The following ASH1L variants were observed in gnomAD, a reference collection of about 807,000 sequenced individuals.
ASH1L encodes the protein histone-lysine N-methyltransferase ASH1L.
Under a neutral mutation model 269.0 loss-of-function variants are expected in ASH1L, and 23 were observed. The observed-to-expected ratio is 0.09, with a 90% confidence interval of 0.06 to 0.12. The LOEUF is 0.12. Ranked by LOEUF, ASH1L falls within the 10% of genes least tolerant of loss-of-function variation. The pLI, the probability that ASH1L is intolerant of heterozygous loss-of-function variation, is 1.00. For synonymous variants in ASH1L, 1,187 were observed against 1,253.5 expected (o/e 0.95, Z 1.12); for missense variants, 2,912 against 3,567.8 (o/e 0.82, Z 4.68).
At chr1:155,514,009 T>C (rs1668341598) in intron 2 of ASH1L, among the ~76,000 whole-genome samples, 1 of 152,188 alleles carries the variant, frequency 6.6e-6, no homozygotes, top group African/African-American at 2.4e-5. Flanking sequence ...ATGGACAACC[T>C]TGAGGACATT....
chr1:155,433,566 T>G lies in ASH1L; in HGVS notation c.5828+4761A>C, dbSNP rs1347330563. 4 of 1,611,084 alleles carry G rather than the reference T, an allele frequency of 2.5e-6. No individual in the cohort carries two copies. The African/African-American group carries it at 5.3e-5, about 22-fold the overall frequency. On this transcript the variant is annotated intron_variant, in intron 5 of 27. Coordinates refer to ENST00000392403, the MANE Select transcript of ASH1L (RefSeq NM_018489.3). ...GCCGTGAAACTGGAGAAGGAGAAGC[T>G]GGAGCAAAACCCGCAGGAGTCCCAG...
chr1:155,559,678 C>T (rs1018519867), intron 1 of ASH1L, among the ~76,000 whole-genome samples: 6 of 152,078 alleles, frequency 3.9e-5, no homozygotes, highest in South Asian at 2.1e-4. Context: ...AAAATTTCAA[C>T]TTCTAGGAAT....
At chr1:155,453,001 A>C (rs1663604119) in intron 4 of ASH1L, among the ~76,000 whole-genome samples, 1 of 151,940 alleles carries the variant, frequency 6.6e-6, no homozygotes, top group Non-Finnish European at 1.5e-5. Context: ...ATTTTTTTGG[A>C]GTTTCACTCT....
intron 5 of ASH1L, among the ~76,000 whole-genome samples, chr1:155,425,888 T>C (rs1661114083): frequency 7.9e-6 from 1 of 126,992 alleles, no homozygotes. Context: ...TAATTTTTTT[T>C]GTGGTGTTTT....
chr1:155,432,738 C>T (rs1391678769), intron 5 of ASH1L, among the ~76,000 whole-genome samples: 1 of 152,090 alleles, frequency 6.6e-6, no homozygotes, highest in Non-Finnish European at 1.5e-5. Flanking sequence ...ATTCAAAAGC[C>T]TTTTTTGTCG....
chr1:155,377,920 G>A (rs1187032307), intron 10 of ASH1L, among the ~76,000 whole-genome samples: 1 of 152,050 alleles, frequency 6.6e-6, no homozygotes, highest in Non-Finnish European at 1.5e-5. Context: ...CTACCAGGGA[G>A]GCTGAGGCAG....
chr1:155,497,707 T>A (rs1270880084), intron 2 of ASH1L, among the ~76,000 whole-genome samples: 1 of 152,016 alleles, frequency 6.6e-6, no homozygotes, highest in Non-Finnish European at 1.5e-5. Context: ...AAGGGTCAAA[T>A]GTACACACAA....
At chr1:155,474,584 C>CTACT (rs1665383794) in intron 3 of ASH1L, among the ~76,000 whole-genome samples, 1 of 152,104 alleles carries the variant, frequency 6.6e-6, no homozygotes, top group Non-Finnish European at 1.5e-5. Flanking sequence ...ACCTGTAGTC[C>CTACT]CAGCTACTCA....
chr1:155,473,937 G>C (rs1665325439), intron 3 of ASH1L, among the ~76,000 whole-genome samples: 1 of 152,166 alleles, frequency 6.6e-6, no homozygotes, highest in South Asian at 2.1e-4. Flanking sequence ...CCAGGTTCAA[G>C]GGATTCTCCT....
intron 2 of ASH1L, among the ~76,000 whole-genome samples, chr1:155,484,960 AAC>A: frequency 1.4e-5 from 2 of 140,178 alleles, no homozygotes; most frequent in Admixed American, 7.2e-5. Context: ...CAAAAACAAA[AAC>A]AAAAACCAAC....
Position 155,374,877 on chromosome 1 carries a change from G to A in ASH1L, c.6332+3404C>T, listed in dbSNP as rs118139628. Among the ~76,000 whole-genome samples the A allele has an allele frequency of 2.6e-5, 4 of 152,048 alleles. No homozygotes were observed. The East Asian group carries it at 5.8e-4, about 22-fold the overall frequency. The stretch of plus-strand genomic sequence containing the variant: ...GTCACCCAGCCTGGAGTACAGTGGC[G>A]TGATCACAGCTTACTGTAGCCTCAA... On this transcript the variant is annotated intron_variant, in intron 10 of 27. Transcript: ENST00000392403.
At chr1:155,362,345 G>A (rs745825451) in intron 12 of ASH1L, among the ~76,000 whole-genome samples, 12 of 150,572 alleles carry the variant, frequency 8.0e-5, no homozygotes, top group Non-Finnish European at 1.8e-4. Flanking sequence ...TGTTTTAGGT[G>A]TTCAGGAGTT....
Position 155,470,276 on chromosome 1 carries a change from T to C in ASH1L, c.4984+7610A>G, listed in dbSNP as rs185416202. Among the ~76,000 whole-genome samples the C allele has an allele frequency of 5.5e-3, 830 of 151,970 alleles. 3 individuals carry two copies. The highest frequency in any genetic ancestry group is 7.0e-3 in the Non-Finnish European group (475 of 67,982). The stretch of plus-strand genomic sequence containing the variant: ...GAGTTCGAGACCAGCCTGGTCAACA[T>C]GGTGAAACTCCGTCTCTACTAAAAA... On this transcript the variant is annotated intron_variant, in intron 3 of 27. Coordinates refer to ENST00000392403, the MANE Select transcript of ASH1L (RefSeq NM_018489.3).
intron 12 of ASH1L, 37 bp from the exon 13 acceptor site, chr1:155,360,446 ATT>A (rs745726347): frequency 2.8e-3 from 3,106 of 1,105,548 alleles, no homozygotes; most frequent in Middle Eastern, 3.8e-3. Flanking sequence ...AAGGCTGGAA[ATT>A]TTTTTTTTTT....
Position 155,480,632 on chromosome 1 carries a change from T to G in ASH1L, c.2238A>C (p.Ser746=), listed in dbSNP as rs778836827. ...LERSELFKNV[S]CSSLSNSNSE... is the part of the protein sequence containing the mutation. Reference sequence around the variant, plus strand: ...AATTACTATTTGATAGTGAGCTACATGAAACGTTTTTAAAAAGCTCTGATC... The same window carrying G: ...AATTACTATTTGATAGTGAGCTACAGGAAACGTTTTTAAAAAGCTCTGATC... The change falls in exon 3 of 28, where the codon TCA becomes TCC. Residue 746 remains serine, a synonymous_variant. Coordinates refer to ENST00000392403, the MANE Select transcript of ASH1L (RefSeq NM_018489.3). The G allele has an allele frequency of 6.2e-7, 1 of 1,614,160 alleles. No individual in the cohort carries two copies. Among genetic ancestry groups the G allele is most frequent in the Non-Finnish European group, 8.5e-7 (1 of 1,179,996 alleles).
chr1:155,420,525 A>C (rs571528309), intron 5 of ASH1L, among the ~76,000 whole-genome samples: 25 of 151,900 alleles, frequency 1.6e-4, no homozygotes, highest in African/African-American at 5.3e-4. Flanking sequence ...AAATACATGC[A>C]GTACATAAGA....
chr1:155,346,062 G>C, intron 21 of ASH1L: 2 of 849,492 alleles, frequency 2.4e-6, no homozygotes, highest in Non-Finnish European at 3.3e-6. Flanking sequence ...TCGAACTCCT[G>C]AGCTCAGGCA....
chr1:155,416,403 C>T lies in ASH1L; in HGVS notation c.5829-480G>A, dbSNP rs947997764. Among the ~76,000 whole-genome samples, 6 of 152,294 alleles carry T rather than the reference C, an allele frequency of 3.9e-5. No homozygotes were observed. In the East Asian group the frequency reaches 9.6e-4, roughly 24 times the overall value. On this transcript the variant is annotated intron_variant, in intron 5 of 27. Transcript: ENST00000392403. ...CAAGTGCTGGGATTATAGGCATGAG[C>T]CACCGTGCCCGGCATGAGAAAATTT...
rs113468301 is a variant in ASH1L, at chr1:155,426,420, C to T, written c.5829-10497G>A. Among the ~76,000 whole-genome samples the T allele has an allele frequency of 2.9e-3, 444 of 152,194 alleles. 1 individual carries two copies. Among genetic ancestry groups the T allele is most frequent in the Non-Finnish European group, 5.3e-3 (360 of 68,018 alleles). On this transcript the variant is annotated intron_variant, in intron 5 of 27. Transcript: ENST00000392403. The stretch of plus-strand genomic sequence containing the variant: ...GTTTCACCGTGTTAGCCAGGATGGT[C>T]TCGATCTCCTGACCTCGTGATCCGA...
Sources: gnomAD v4.1 joint callset for allele counts (sites outside exome capture counted in the v4.1 genomes callset) on GRCh38, gnomAD v4.1.1 for gene constraint, MANE v1.5 for transcripts, NCBI Gene and HGNC (gene_info 2026-07-23, HGNC 2026-07-21) for gene names.